Variants in FBXL17 observed in about 807,000 individuals in gnomAD.
FBXL17 encodes the protein F-box/LRR-repeat protein 17.
A neutral mutation model predicts 66.2 loss-of-function variants in FBXL17; 22 were observed. That is an observed-to-expected ratio of 0.33 (90% CI 0.24 to 0.47). The LOEUF (loss-of-function observed/expected upper bound fraction) is 0.47. FBXL17 is among the 20% of genes least tolerant of loss of function. FBXL17 has a pLI of 1.00. For synonymous variants in FBXL17, 474 were observed against 400.5 expected (o/e 1.18, Z -2.19); for missense variants, 878 against 948.2 (o/e 0.93, Z 0.97).
At chr5:108,208,791 A>T (rs4395619) in intron 5 of FBXL17, among the ~76,000 whole-genome samples, 117,539 of 152,120 alleles carry the variant, frequency 0.77, 46,052 homozygotes, top group East Asian at 0.93. Context: ...CATGGCTATA[A>T]GGGCTCTTTT....
At chr5:107,997,860 C>G (rs1225358215) in intron 7 of FBXL17, among the ~76,000 whole-genome samples, 1 of 152,176 alleles carries the variant, frequency 6.6e-6, no homozygotes, top group Non-Finnish European at 1.5e-5. Context: ...TGTTCAGTGA[C>G]TGATTGCATA....
intron 4 of FBXL17, among the ~76,000 whole-genome samples, chr5:108,319,087 T>C (rs984781471): frequency 6.6e-6 from 1 of 151,864 alleles, no homozygotes; most frequent in Non-Finnish European, 1.5e-5. Flanking sequence ...TGTTTTATTC[T>C]ACCCAAACAG....
chr5:108,297,942 C>T lies in FBXL17; in HGVS notation c.1506+50457G>A, dbSNP rs183133929. ...ATCTTCAAAAATTTACAGTTTATGG[C>T]ATTATATTCTCCATTTATAAAAATG... is the stretch of plus-strand genomic sequence containing the variant. On this transcript the variant is annotated intron_variant, in intron 4 of 8. Transcript: ENST00000542267. The T allele has an allele frequency of 1.3e-4, 130 of 970,526 alleles. No homozygotes were observed. In the East Asian group the frequency reaches 0.013, roughly 97 times the overall value. The allele number at this position is 970,526 out of a possible 1,614,324, so 60.1% of individuals were successfully genotyped here.
At chr5:108,073,223 A>C (rs1748410755) in intron 6 of FBXL17, among the ~76,000 whole-genome samples, 1 of 152,194 alleles carries the variant, frequency 6.6e-6, no homozygotes, top group South Asian at 2.1e-4. Flanking sequence ...TCGGAAAAAC[A>C]ACTCTTGATG....
At chr5:108,167,231 C>T (rs769264130) in intron 6 of FBXL17, among the ~76,000 whole-genome samples, 3 of 152,106 alleles carry the variant, frequency 2.0e-5, no homozygotes, top group Non-Finnish European at 4.4e-5. Context: ...AATCTGCTAG[C>T]GTCTTTACAA....
At chr5:108,173,660 C>T (rs1752689402) in intron 6 of FBXL17, among the ~76,000 whole-genome samples, 1 of 152,146 alleles carries the variant, frequency 6.6e-6, no homozygotes, top group Admixed American at 6.5e-5. Flanking sequence ...ACTAAACATA[C>T]CGCGTAAGAA....
chr5:108,188,292 A>G (rs900895942), intron 5 of FBXL17, among the ~76,000 whole-genome samples: 2 of 152,198 alleles, frequency 1.3e-5, no homozygotes, highest in African/African-American at 4.8e-5. Context: ...GACAGATAAA[A>G]CACAAAAAGG....
intron 6 of FBXL17, among the ~76,000 whole-genome samples, chr5:108,082,035 C>A (rs1748791777): frequency 6.6e-6 from 1 of 152,092 alleles, no homozygotes; most frequent in African/African-American, 2.4e-5. Flanking sequence ...AGGGCAGAAG[C>A]CTAGTAGTTG....
At chr5:107,926,589 T>A (rs1335882005) in intron 7 of FBXL17, among the ~76,000 whole-genome samples, 1 of 151,536 alleles carries the variant, frequency 6.6e-6, no homozygotes, top group African/African-American at 2.4e-5. Context: ...CTGGCAAACC[T>A]CCTACTCATC....
intron 5 of FBXL17, among the ~76,000 whole-genome samples, chr5:108,216,858 A>T (rs1561469840): frequency 6.6e-6 from 1 of 152,162 alleles, no homozygotes; most frequent in Non-Finnish European, 1.5e-5. Context: ...CCTCCAGCCC[A>T]TTTGGATAAA....
In FBXL17 at chr5:108,283,661, A is replaced by C. The variant is rs111354644; in HGVS notation, c.1507-59433T>G. On this transcript the variant is annotated intron_variant, in intron 4 of 8. Coordinates refer to ENST00000542267, the MANE Select transcript of FBXL17 (RefSeq NM_001163315.3). ...TTAAGACCTCAAAAGCAGAGGCAAC[A>C]AAAACAAAAAGAGATGAATGTGACT... 4.1e-3 allele frequency among the ~76,000 whole-genome samples: 616 copies of C among 152,038 alleles called. 7 individuals carry two copies. Among genetic ancestry groups the C allele is most frequent in the African/African-American group, 0.014 (580 of 41,544 alleles).
chr5:108,073,282 G>C (rs1748413185), intron 6 of FBXL17, among the ~76,000 whole-genome samples: 1 of 152,004 alleles, frequency 6.6e-6, no homozygotes, highest in African/African-American at 2.4e-5. Context: ...CTAAAGTGGG[G>C]ACAAGGGGTG....
At chr5:108,203,378 C>T (rs773860915) in intron 5 of FBXL17, among the ~76,000 whole-genome samples, 1 of 152,002 alleles carries the variant, frequency 6.6e-6, no homozygotes. Context: ...GCAATAAATG[C>T]GTTGCTGGCC....
At chr5:107,974,099 T>A (rs1483850315) in intron 7 of FBXL17, among the ~76,000 whole-genome samples, 1 of 152,178 alleles carries the variant, frequency 6.6e-6, no homozygotes, top group Non-Finnish European at 1.5e-5. Context: ...AGGGTGATCT[T>A]TACTACACTG....
At chr5:107,933,167 G>T (rs1359143706) in intron 7 of FBXL17, among the ~76,000 whole-genome samples, 1 of 152,132 alleles carries the variant, frequency 6.6e-6, no homozygotes, top group Non-Finnish European at 1.5e-5. Context: ...ATGCTAAAGT[G>T]CCTTGTAAAT....
chr5:107,879,342 C>G (rs544462366), intron 8 of FBXL17: 1 of 985,406 alleles, frequency 1.0e-6, no homozygotes, highest in South Asian at 4.7e-5. Context: ...TTCTAGAGGA[C>G]TATGCCTATG....
At chr5:108,339,712 A>G (rs1172442559) in intron 4 of FBXL17, among the ~76,000 whole-genome samples, 4 of 152,166 alleles carry the variant, frequency 2.6e-5, no homozygotes, top group African/African-American at 9.7e-5. Context: ...TTGATCCAGA[A>G]AAAAATATAT....
intron 7 of FBXL17, among the ~76,000 whole-genome samples, chr5:108,018,424 C>T (rs903996203): frequency 1.3e-5 from 2 of 152,090 alleles, no homozygotes; most frequent in Non-Finnish European, 2.9e-5. Context: ...AATCTTTTTG[C>T]TGCCTCTTTG....
chr5:108,243,160 T>C (rs999346560), intron 4 of FBXL17, among the ~76,000 whole-genome samples: 3 of 152,198 alleles, frequency 2.0e-5, no homozygotes, highest in Non-Finnish European at 4.4e-5. Flanking sequence ...TGTTAAAGTA[T>C]TGTGAAAGAG....
Sources: gnomAD v4.1 joint callset for allele counts (sites outside exome capture counted in the v4.1 genomes callset) on GRCh38, gnomAD v4.1.1 for gene constraint, MANE v1.5 for transcripts, NCBI Gene and HGNC (gene_info 2026-07-23, HGNC 2026-07-21) for gene names.